The following USP6NL variants were observed in gnomAD, a reference collection of about 807,000 sequenced individuals.
The protein encoded by USP6NL is USP6 N-terminal-like protein.
Under a neutral mutation model 61.9 loss-of-function variants are expected in USP6NL, and 26 were observed. That is an observed-to-expected ratio of 0.42 (90% CI 0.31 to 0.58). USP6NL has a LOEUF of 0.58. Ranked by LOEUF, USP6NL falls within the 20% of genes least tolerant of loss-of-function variation. The probability of loss-of-function intolerance (pLI) is 0.16; values close to 1 mark genes in which losing one functional copy is unlikely to be tolerated. For synonymous variants in USP6NL, 432 were observed against 390.1 expected, an observed-to-expected ratio of 1.11 and a Z score of -1.27; for missense variants, 1,114 against 1,034.3, an observed-to-expected ratio of 1.08 and a Z score of -1.06.
At position 11,462,794 on chromosome 10, in the gene USP6NL, C is replaced by T. The variant is rs2096220656; in HGVS notation, c.2134G>A (p.Gly712Ser). 2 of 1,613,954 alleles carry T rather than the reference C, an allele frequency of 1.2e-6. No homozygotes were observed. Among genetic ancestry groups the T allele is most frequent in the Non-Finnish European group, 1.7e-6 (2 of 1,179,874 alleles). ...PVDTGAGGYSGNSGSPKNGKL... is the reference protein window; with the variant it reads ...PVDTGAGGYSSNSGSPKNGKL... ...CCATTCTTTGGTGACCCTGAATTGCCCGAATATCCCCCAGCACCAGTGTCA... is the reference window on the plus strand; with the variant it reads ...CCATTCTTTGGTGACCCTGAATTGCTCGAATATCCCCCAGCACCAGTGTCA... Residue 712 changes from glycine (G) to serine (S), a missense_variant, in exon 15 of 15, where the codon GGC becomes AGC. By Grantham distance (56) the Gly-to-Ser change is moderately conservative. Transcript: ENST00000609104.
At position 11,478,445 on chromosome 10, in the gene USP6NL, G is replaced by A. The variant is rs1410308174; in HGVS notation, c.1078+3325C>T. ...ACTGTAAAATAAAAGCTTTTACTTAGAAAAACTCAATTTTTAAAATATCAA... is the reference window on the plus strand; with the variant it reads ...ACTGTAAAATAAAAGCTTTTACTTAAAAAAACTCAATTTTTAAAATATCAA... On this transcript the variant is annotated intron_variant, in intron 14 of 14. Coordinates refer to ENST00000609104, the MANE Select transcript of USP6NL (RefSeq NM_014688.5). The surrounding 1 kb of genome is among the most constrained non-coding windows in gnomAD (Gnocchi z 6.8). Among the ~76,000 whole-genome samples the A allele has an allele frequency of 6.6e-6, 1 of 151,972 alleles. No individual in the cohort carries two copies. Among genetic ancestry groups the A allele is most frequent in the East Asian group, 2.0e-4 (1 of 5,044 alleles).
Position 11,583,603 on chromosome 10 carries a change from T to C in USP6NL, c.4+14028A>G, listed in dbSNP as rs1260744593. The stretch of plus-strand genomic sequence containing the variant: ...ACACAAATATGGAAGAAAAGAGATT[T>C]AGTCATAATAAGGAAATTTAAATAT... On this transcript the variant is annotated intron_variant, in intron 2 of 14. Transcript: ENST00000609104. Among the ~76,000 whole-genome samples, 4 of 152,366 alleles carry C rather than the reference T, an allele frequency of 2.6e-5. No individual in the cohort carries two copies. The East Asian group carries it at 5.8e-4, about 22-fold the overall frequency.
At chr10:11,608,067 G>A (rs1838764867) in intron 1 of USP6NL, among the ~76,000 whole-genome samples, 1 of 152,188 alleles carries the variant, frequency 6.6e-6, no homozygotes, top group Admixed American at 6.5e-5. Flanking sequence ...TTTTAGGGTG[G>A]ATTGCTACTA....
intron 14 of USP6NL, among the ~76,000 whole-genome samples, chr10:11,473,212 T>C (rs1217620941): frequency 6.8e-6 from 1 of 147,968 alleles, no homozygotes; most frequent in East Asian, 1.9e-4. Flanking sequence ...AAAAATACAT[T>C]AGGATTTCAT....
chr10:11,551,542 T>C (rs987378804), intron 2 of USP6NL, among the ~76,000 whole-genome samples: 2 of 152,228 alleles, frequency 1.3e-5, no homozygotes, highest in African/African-American at 4.8e-5. Context: ...AATTATCTAG[T>C]TTAATCGTAA....
intron 2 of USP6NL, among the ~76,000 whole-genome samples, chr10:11,552,027 C>T (rs1836509335): frequency 6.6e-6 from 1 of 152,100 alleles, no homozygotes; most frequent in East Asian, 1.9e-4. Flanking sequence ...ATATATTCAT[C>T]TTATTAACAA....
At chr10:11,507,403 T>C (rs989822959) in intron 6 of USP6NL, among the ~76,000 whole-genome samples, 4 of 152,338 alleles carry the variant, frequency 2.6e-5, no homozygotes, top group Non-Finnish European at 5.9e-5. Context: ...TTGAAGTGTG[T>C]CCTCTTAAAA....
In USP6NL at chr10:11,537,535, A is replaced by C. The variant is rs1408545545; in HGVS notation, c.5-9968T>G. ...AAATATGATTTATACCTTCCCATTC[A>C]AAATATTTCTCGTATCACCAATAGC... On this transcript the variant is annotated intron_variant, in intron 2 of 14. Transcript: ENST00000609104. The surrounding 1 kb of genome is among the most constrained non-coding windows in gnomAD (Gnocchi z 5.1). 1.3e-5 allele frequency among the ~76,000 whole-genome samples: 2 copies of C among 152,214 alleles called. No individual in the cohort carries two copies. The highest frequency in any genetic ancestry group is 4.8e-5 in the African/African-American group (2 of 41,442).
intron 2 of USP6NL, among the ~76,000 whole-genome samples, chr10:11,544,458 G>A (rs114676857): frequency 0.01 from 1,585 of 151,956 alleles, 31 homozygotes; most frequent in African/African-American, 0.034. Context: ...CTTATAGAAT[G>A]CATTTATAAC....
At chr10:11,605,175 T>C (rs112963749) in intron 1 of USP6NL, among the ~76,000 whole-genome samples, 47 of 152,312 alleles carry the variant, frequency 3.1e-4, no homozygotes, top group African/African-American at 1.1e-3. Flanking sequence ...TTGAGGCTTC[T>C]TTAGGTAAAC....
chr10:11,586,337 AC>A (rs1837961852), intron 2 of USP6NL, among the ~76,000 whole-genome samples: 1 of 151,824 alleles, frequency 6.6e-6, no homozygotes, highest in Admixed American at 6.6e-5. Flanking sequence ...ATCTTAAATG[AC>A]CAAAAAAACT....
intron 1 of USP6NL, among the ~76,000 whole-genome samples, chr10:11,608,068 A>G (rs1469500554): frequency 1.3e-5 from 2 of 152,216 alleles, no homozygotes; most frequent in African/African-American, 4.8e-5. Context: ...TTTAGGGTGG[A>G]TTGCTACTAC....
At chr10:11,543,162 T>C (rs966043950) in intron 2 of USP6NL, among the ~76,000 whole-genome samples, 2 of 152,218 alleles carry the variant, frequency 1.3e-5, no homozygotes, top group Non-Finnish European at 2.9e-5. Flanking sequence ...GTAAGCCTTT[T>C]TAACTATGCA....
rs1177577937 is a variant in USP6NL, at chr10:11,528,221, G to C, written c.5-654C>G. Among the ~76,000 whole-genome samples, 1 of 150,114 alleles carries C rather than the reference G, an allele frequency of 6.7e-6. No individual in the cohort carries two copies. On this transcript the variant is annotated intron_variant, in intron 2 of 14. Transcript: ENST00000609104. This position sits in a 1 kb window ranked among gnomAD's most constrained non-coding sequence, Gnocchi z 4.6. The stretch of plus-strand genomic sequence containing the variant: ...ACATAAATCTGACAACAAAAGTCGA[G>C]ATCATAACATGAAATAGTATGAATA...
chr10:11,548,818 T>C lies in USP6NL; in HGVS notation c.5-21251A>G, dbSNP rs1836377244. Reference sequence around the variant, plus strand: ...GAAGACATGTATACCTTTCTAACACTCAAATAAAACTTATCTCCAACATTT... The same window carrying C: ...GAAGACATGTATACCTTTCTAACACCCAAATAAAACTTATCTCCAACATTT... On this transcript the variant is annotated intron_variant, in intron 2 of 14. Transcript: ENST00000609104. This position sits in a 1 kb window ranked among gnomAD's most constrained non-coding sequence, Gnocchi z 4.3. Among the ~76,000 whole-genome samples the C allele has an allele frequency of 6.6e-6, 1 of 152,128 alleles. No individual in the cohort carries two copies. Among genetic ancestry groups the C allele is most frequent in the Non-Finnish European group, 1.5e-5 (1 of 68,024 alleles).
chr10:11,605,970 G>A (rs924280403), intron 1 of USP6NL, among the ~76,000 whole-genome samples: 1 of 152,114 alleles, frequency 6.6e-6, no homozygotes, highest in Non-Finnish European at 1.5e-5. Context: ...GAGTGGCTGA[G>A]AACTTGCCAA....
chr10:11,551,867 G>A (rs561437603), intron 2 of USP6NL, among the ~76,000 whole-genome samples: 82 of 152,214 alleles, frequency 5.4e-4, no homozygotes, highest in Non-Finnish European at 8.5e-4. Flanking sequence ...AATAGTTGGG[G>A]CAGCTCAATT....
At chr10:11,583,393 G>A (rs184334446) in intron 2 of USP6NL, among the ~76,000 whole-genome samples, 13 of 151,688 alleles carry the variant, frequency 8.6e-5, no homozygotes, top group Non-Finnish European at 8.8e-5. Context: ...GGGTTTCACC[G>A]TGTTAGCCAG....
rs1326752401 is a variant in USP6NL at position 11,597,969 on chromosome 10, T to C, written c.-83-252A>G. ...TAGTAAGTAATCACCACATAGAAAC[T>C]TACTAACAGGTGTCCTTCGTCTTCA... On this transcript the variant is annotated intron_variant, in intron 1 of 14. Transcript: ENST00000609104. This position sits in a 1 kb window ranked among gnomAD's most constrained non-coding sequence, Gnocchi z 4.6. Among the ~76,000 whole-genome samples, 1 of 152,202 alleles carries C rather than the reference T, an allele frequency of 6.6e-6. No individual in the cohort carries two copies. The highest frequency in any genetic ancestry group is 1.9e-4 in the East Asian group (1 of 5,202).
Sources: gnomAD v4.1 joint callset for allele counts (sites outside exome capture counted in the v4.1 genomes callset) on GRCh38, gnomAD v4.1.1 for gene constraint, Gnocchi (gnomAD v3.1) non-coding constraint, MANE v1.5 for transcripts, NCBI Gene and HGNC (gene_info 2026-07-23, HGNC 2026-07-21) for gene names.